The following TMEM135 variants were observed in gnomAD, a reference collection of about 807,000 sequenced individuals.
The protein encoded by TMEM135 is transmembrane protein 135.
A neutral mutation model predicts 60.3 loss-of-function variants in TMEM135; 30 were observed. The ratio of observed to expected loss-of-function variants is 0.50; its 90% CI spans 0.37 to 0.68. The LOEUF (loss-of-function observed/expected upper bound fraction) is 0.68. Among genes scored for constraint, TMEM135 ranks in the 30% least tolerant of loss-of-function variants. The probability of loss-of-function intolerance (pLI) is 0.00; values close to 1 mark genes in which losing one functional copy is unlikely to be tolerated. For synonymous variants in TMEM135, 190 were observed against 186.7 expected (o/e 1.02, Z -0.14); for missense variants, 468 against 548.8 (o/e 0.85, Z 1.47).
rs1313248449 is a variant in TMEM135 at position 87,322,074 on chromosome 11, A to T, written c.*741A>T. 6.6e-6 allele frequency: 3 copies of T among 454,434 alleles called. No homozygotes were observed. The Admixed American group carries it at 7.1e-5, about 11-fold the overall frequency. The allele number at this position is 454,434 out of a possible 1,614,324, so 28.2% of individuals were successfully genotyped here. The stretch of plus-strand genomic sequence containing the variant: ...GAAATGGACACATCCGATAAAGTTG[A>T]AATGTATGTTTTAATCTTTCACAGA... On this transcript the variant is annotated 3_prime_UTR_variant, in exon 15 of 15. Coordinates refer to ENST00000305494, the MANE Select transcript of TMEM135 (RefSeq NM_022918.4).
chr11:87,194,534 A>G (rs1226979855), intron 5 of TMEM135, among the ~76,000 whole-genome samples: 1 of 151,890 alleles, frequency 6.6e-6, no homozygotes, highest in East Asian at 1.9e-4. Flanking sequence ...ATACCTGTGT[A>G]TGTGTGTGTG....
chr11:87,150,454 G>A lies in TMEM135; in HGVS notation c.397-6887G>A, dbSNP rs558101319. 9.5e-4 allele frequency among the ~76,000 whole-genome samples: 145 copies of A among 152,144 alleles called. 1 individual carries two copies. Among genetic ancestry groups the A allele is most frequent in the African/African-American group, 2.9e-3 (120 of 41,502 alleles). On this transcript the variant is annotated intron_variant, in intron 4 of 14. Coordinates refer to ENST00000305494, the MANE Select transcript of TMEM135 (RefSeq NM_022918.4). Reference sequence around the variant, plus strand: ...TCCTACTACAGAAGATGGGAATTTGGTTTTCTTTACACTCTGTGGTGGTGT... The same window carrying A: ...TCCTACTACAGAAGATGGGAATTTGATTTTCTTTACACTCTGTGGTGGTGT...
At chr11:87,133,423 C>T (rs1937994362) in intron 4 of TMEM135, among the ~76,000 whole-genome samples, 2 of 152,116 alleles carry the variant, frequency 1.3e-5, no homozygotes, top group South Asian at 4.2e-4. Flanking sequence ...CTCATGGATG[C>T]CTTCTATTAC....
intron 1 of TMEM135, among the ~76,000 whole-genome samples, chr11:87,055,288 T>G (rs1211392190): frequency 6.6e-6 from 1 of 152,122 alleles, no homozygotes; most frequent in Non-Finnish European, 1.5e-5. Context: ...AGCAATTACT[T>G]TATAGAAAAA....
rs374413368 is a variant in TMEM135, at chr11:87,041,950, G to A, written c.141+3764G>A. On this transcript the variant is annotated intron_variant, in intron 1 of 14. Coordinates refer to ENST00000305494, the MANE Select transcript of TMEM135 (RefSeq NM_022918.4). The stretch of plus-strand genomic sequence containing the variant: ...ATTGTTGCAGTTGCCATTATTGCTA[G>A]AAATGGAGAAGTTCTAAAGACAAGC... Among the ~76,000 whole-genome samples the A allele has an allele frequency of 5.9e-5, 9 of 152,354 alleles. No homozygotes were observed. The East Asian group carries it at 1.5e-3, about 26-fold the overall frequency.
intron 5 of TMEM135, among the ~76,000 whole-genome samples, chr11:87,179,440 A>G (rs1317092410): frequency 6.6e-6 from 1 of 152,102 alleles, no homozygotes; most frequent in Non-Finnish European, 1.5e-5. Context: ...ATCATATCCA[A>G]GAAATCTTTA....
intron 6 of TMEM135, among the ~76,000 whole-genome samples, chr11:87,283,249 G>T (rs12290556): frequency 0.37 from 55,472 of 151,294 alleles, 10,824 homozygotes; most frequent in Non-Finnish European, 0.43. Context: ...CAGGAGAATT[G>T]TTTGAACCCG....
rs560114349 is a variant in TMEM135, at chr11:87,312,461, G to T, written c.937-964G>T. The stretch of plus-strand genomic sequence containing the variant: ...ATATATGTTATATACTCCACGATAT[G>T]TTGTTACTATTTTTGTTTTAGATCA... On this transcript the variant is annotated intron_variant, in intron 10 of 14. Coordinates refer to ENST00000305494, the MANE Select transcript of TMEM135 (RefSeq NM_022918.4). Among the ~76,000 whole-genome samples the T allele has an allele frequency of 2.6e-5, 4 of 151,816 alleles. No homozygotes were observed. In the East Asian group the frequency reaches 7.7e-4, roughly 29 times the overall value.
At chr11:87,115,196 AC>A (rs1374039124) in intron 4 of TMEM135, among the ~76,000 whole-genome samples, 3 of 152,080 alleles carry the variant, frequency 2.0e-5, no homozygotes, top group African/African-American at 7.2e-5. Flanking sequence ...ACCTTAAGAA[AC>A]ATCTCTCTGC....
chr11:87,272,908 T>G (rs1051838927), intron 6 of TMEM135, among the ~76,000 whole-genome samples: 4 of 152,208 alleles, frequency 2.6e-5, no homozygotes, highest in Non-Finnish European at 4.4e-5. Context: ...TTTTAAAATG[T>G]CTTAGTACAT....
intron 4 of TMEM135, among the ~76,000 whole-genome samples, chr11:87,156,592 C>T (rs1437516921): frequency 2.0e-5 from 3 of 151,990 alleles, no homozygotes; most frequent in Non-Finnish European, 4.4e-5. Context: ...TTATTTTTCC[C>T]TAGGAGTTTT....
At chr11:87,144,148 A>T (rs960171599) in intron 4 of TMEM135, among the ~76,000 whole-genome samples, 1 of 150,928 alleles carries the variant, frequency 6.6e-6, no homozygotes, top group Non-Finnish European at 1.5e-5. Flanking sequence ...AATAAAAAAA[A>T]CTACAGAAAT....
At chr11:87,073,784 C>G (rs1856818996) in intron 3 of TMEM135, among the ~76,000 whole-genome samples, 1 of 151,998 alleles carries the variant, frequency 6.6e-6, no homozygotes, top group African/African-American at 2.4e-5. Context: ...TCTCCTGCCT[C>G]AGCTTCCCAT....
At position 87,327,096 on chromosome 11, in the gene TMEM135, C is replaced by G. The variant is rs981652221; in HGVS notation, c.*5763C>G. 8.8e-6 allele frequency: 4 copies of G among 453,850 alleles called. No homozygotes were observed. Among genetic ancestry groups the G allele is most frequent in the African/African-American group, 8.0e-5 (4 of 49,960 alleles). 28.1% of individuals were successfully genotyped at this position (453,850 alleles called of 1,614,324 possible). On this transcript the variant is annotated 3_prime_UTR_variant, in exon 15 of 15. Coordinates refer to ENST00000305494, the MANE Select transcript of TMEM135 (RefSeq NM_022918.4). The stretch of plus-strand genomic sequence containing the variant: ...TGAATCATAATTGTTCTAGGCCTTT[C>G]ATGTCTTTCCTTTCTTCTTGTCCAG...
At chr11:87,085,951 T>C (rs1857086431) in intron 3 of TMEM135, among the ~76,000 whole-genome samples, 1 of 152,146 alleles carries the variant, frequency 6.6e-6, no homozygotes, top group Non-Finnish European at 1.5e-5. Flanking sequence ...GTAAGGATAA[T>C]GGTATCTGCC....
chr11:87,216,952 A>C lies in TMEM135; in HGVS notation c.463-19686A>C, dbSNP rs148638336. ...TCTAAGTAAGTAGTGTATGTAATAA[A>C]ATAGCATAATAAAAAGGCTCTGAGT... On this transcript the variant is annotated intron_variant, in intron 5 of 14. Coordinates refer to ENST00000305494, the MANE Select transcript of TMEM135 (RefSeq NM_022918.4). Among the ~76,000 whole-genome samples the C allele has an allele frequency of 2.3e-3, 344 of 152,362 alleles. 1 individual carries two copies. The highest frequency in any genetic ancestry group is 8.0e-3 in the African/African-American group (332 of 41,586).
At chr11:87,257,631 C>T (rs186890574) in intron 6 of TMEM135, among the ~76,000 whole-genome samples, 70 of 152,182 alleles carry the variant, frequency 4.6e-4, no homozygotes, top group Non-Finnish European at 6.6e-4. Flanking sequence ...AAGCTGTAAA[C>T]GTCATATTTA....
chr11:87,089,387 A>G (rs1376131955), intron 3 of TMEM135, among the ~76,000 whole-genome samples: 2 of 152,144 alleles, frequency 1.3e-5, no homozygotes, highest in Non-Finnish European at 2.9e-5. Flanking sequence ...TTAAAAAATT[A>G]GTAGGCATGG....
chr11:87,064,002 G>A (rs1393390883), intron 1 of TMEM135, among the ~76,000 whole-genome samples: 1 of 152,164 alleles, frequency 6.6e-6, no homozygotes, highest in African/African-American at 2.4e-5. Context: ...ATTTAATTAT[G>A]TCTGGGTTAT....
Sources: gnomAD v4.1 joint callset for allele counts (sites outside exome capture counted in the v4.1 genomes callset) on GRCh38, gnomAD v4.1.1 for gene constraint, MANE v1.5 for transcripts, NCBI Gene and HGNC (gene_info 2026-07-23, HGNC 2026-07-21) for gene names.